The following HFM1 variants were observed in gnomAD, a reference collection of about 807,000 sequenced individuals.
The protein encoded by HFM1 is helicase for meiosis 1.
HFM1 carries 169 observed loss-of-function variants against 192.1 expected under a neutral mutation model. The ratio of observed to expected loss-of-function variants is 0.88; its 90% CI spans 0.78 to 1.00. The LOEUF is 1.00. Ranked by LOEUF, HFM1 falls within the 50% of genes least tolerant of loss-of-function variation. The pLI is 0.00. For missense variants in HFM1, 1,661 were observed against 1,668.0 expected, an observed-to-expected ratio of 1.00 and a Z score of 0.07; for synonymous variants, 525 against 537.8, an observed-to-expected ratio of 0.98 and a Z score of 0.33.
At chr1:91,352,772 G>GA in intron 15 of HFM1, 121 bp from the exon 16 acceptor site, 2 of 741,040 alleles carry the variant, frequency 2.7e-6, no homozygotes, top group African/African-American at 1.8e-5. Flanking sequence ...ATTTAGAAAA[G>GA]AAAAAAGAGC....
In HFM1 at chr1:91,276,702, T is replaced by C. The variant is rs757440021; in HGVS notation, c.3514A>G (p.Thr1172Ala). 3.2e-6 allele frequency: 5 copies of C among 1,559,694 alleles called. No individual in the cohort carries two copies. The East Asian group carries it at 1.2e-4, about 37-fold the overall frequency. Residue 1172 changes from threonine (T) to alanine (A), a missense_variant, in exon 32 of 39, where the codon ACA becomes GCA. Coordinates refer to ENST00000370425, the MANE Select transcript of HFM1 (RefSeq NM_001017975.6). ...AAATCAGATAAATATGAAGAAATTGTTGACTCTTTAATTTCTGACTTCTGT... is the reference window on the plus strand; with the variant it reads ...AAATCAGATAAATATGAAGAAATTGCTGACTCTTTAATTTCTGACTTCTGT... ...VAQKSEIKES[T>A]ISSYLSDLRN...
chr1:91,359,620 TAAGTA>T (rs1022161119), intron 13 of HFM1, among the ~76,000 whole-genome samples: 20 of 149,624 alleles, frequency 1.3e-4, no homozygotes, highest in Admixed American at 1.3e-3. Context: ...AATATGGGAT[TAAGTA>T]AAGAAACCAA....
At chr1:91,353,025 A>G in intron 15 of HFM1, 26 bp downstream of exon 15, 2 of 1,371,790 alleles carry the variant, frequency 1.5e-6, no homozygotes, top group Non-Finnish European at 2.1e-6. Flanking sequence ...ATTTTATAGT[A>G]TCCACGAGAA....
At chr1:91,397,145 T>C (rs571210984) in intron 2 of HFM1, among the ~76,000 whole-genome samples, 1 of 152,360 alleles carries the variant, frequency 6.6e-6, no homozygotes, top group East Asian at 1.9e-4. Context: ...ACCGTTGTTC[T>C]AGAGTATTCC....
At chr1:91,316,708 A>G (rs945637347) in intron 25 of HFM1, among the ~76,000 whole-genome samples, 2 of 152,214 alleles carry the variant, frequency 1.3e-5, no homozygotes, top group African/African-American at 4.8e-5. Flanking sequence ...TAAAAGAAAG[A>G]GAAACTCTGG....
At position 91,308,155 on chromosome 1, in the gene HFM1, CTCTGCCA is replaced by C. The variant is rs1462057594; in HGVS notation, c.3391+5187_3391+5193del. ...GTGTCTTTTATTATTTTGAAATGGA[CTCTGCCA>C]TTGTCTCTTTGAATGTTAATTTTGT... is the stretch of plus-strand genomic sequence containing the variant. On this transcript the variant is annotated intron_variant, in intron 30 of 38. Transcript: ENST00000370425. Among the ~76,000 whole-genome samples, 17 of 152,282 alleles carry C rather than the reference CTCTGCCA, an allele frequency of 1.1e-4. No individual in the cohort carries two copies. In the East Asian group the frequency reaches 2.9e-3, roughly 26 times the overall value.
At chr1:91,283,139 G>C (rs1276521062) in intron 30 of HFM1, among the ~76,000 whole-genome samples, 3 of 152,102 alleles carry the variant, frequency 2.0e-5, no homozygotes, top group Non-Finnish European at 2.9e-5. Context: ...CCTTTACCCT[G>C]CCGCCCTCCC....
chr1:91,371,876 C>T (rs1036526695), intron 13 of HFM1, among the ~76,000 whole-genome samples: 1 of 151,942 alleles, frequency 6.6e-6, no homozygotes, highest in African/African-American at 2.4e-5. Flanking sequence ...ACAATGAACT[C>T]AAACAAATTT....
intron 19 of HFM1, among the ~76,000 whole-genome samples, chr1:91,345,040 GCCCAA>G (rs1442184058): frequency 1.3e-5 from 2 of 152,026 alleles, no homozygotes; most frequent in Non-Finnish European, 2.9e-5. Context: ...GAACCACCAT[GCCCAA>G]CCTATATGTA....
intron 20 of HFM1, among the ~76,000 whole-genome samples, chr1:91,337,306 A>G (rs1006771158): frequency 5.3e-5 from 8 of 152,224 alleles, no homozygotes; most frequent in Non-Finnish European, 1.0e-4. Context: ...ACCTCAATGC[A>G]AACATACAGA....
Position 91,375,725 on chromosome 1 carries a change from A to G in HFM1, c.1398T>C (p.Ile466=), listed in dbSNP as rs1356552800. Residue 466 remains isoleucine (I), a splice_region_variant and synonymous_variant, in exon 12 of 39, where the codon ATT becomes ATC. Transcript: ENST00000370425. The part of the protein sequence containing the change: ...VSATIPNAED[I]AEWLSDGERP... ...TTTCACCATCTGAAAGCCATTCTGC[A>G]ATCTTTGAAACACAAAAATATGTGC... is the stretch of plus-strand genomic sequence containing the variant. The G allele has an allele frequency of 5.6e-6, 9 of 1,612,350 alleles. 1 individual carries two copies. The highest frequency in any genetic ancestry group is 1.6e-4 in the Middle Eastern group (1 of 6,068).
chr1:91,381,432 T>A (rs1297843565), intron 6 of HFM1, among the ~76,000 whole-genome samples: 1 of 152,206 alleles, frequency 6.6e-6, no homozygotes, highest in South Asian at 2.1e-4. Context: ...GTGTTTCTGG[T>A]TACCTAATAC....
At chr1:91,277,230 G>C (rs1028168060) in intron 30 of HFM1, among the ~76,000 whole-genome samples, 168 bp from the exon 31 acceptor site, 3 of 151,038 alleles carry the variant, frequency 2.0e-5, no homozygotes, top group African/African-American at 7.3e-5. Flanking sequence ...TTAATAAAGA[G>C]ATAGGGTCTT....
chr1:91,266,002 A>G lies in HFM1; in HGVS notation c.3974+15T>C. On this transcript the variant is annotated intron_variant, in intron 36 of 38. Transcript: ENST00000370425. The stretch of plus-strand genomic sequence containing the variant: ...TAAAGTTGCAAATATTACAAACCTA[A>G]GTTCTAAAACTTGCCTGTTTGACAT... 1 of 1,588,982 alleles carries G rather than the reference A, an allele frequency of 6.3e-7. No individual in the cohort carries two copies. Among genetic ancestry groups the G allele is most frequent in the Admixed American group, 1.9e-5 (1 of 52,248 alleles).
At chr1:91,305,600 C>T (rs1258827326) in intron 30 of HFM1, among the ~76,000 whole-genome samples, 1 of 151,962 alleles carries the variant, frequency 6.6e-6, no homozygotes, top group East Asian at 1.9e-4. Context: ...CAAGGTCTCA[C>T]TCTGTTGCCC....
At chr1:91,303,183 T>C (rs1257691819) in intron 30 of HFM1, among the ~76,000 whole-genome samples, 2 of 152,164 alleles carry the variant, frequency 1.3e-5, no homozygotes, top group South Asian at 4.1e-4. Flanking sequence ...CCTCATTTAT[T>C]CCTGCCCTCA....
intron 2 of HFM1, among the ~76,000 whole-genome samples, chr1:91,399,276 C>T (rs957508112): frequency 1.3e-5 from 2 of 152,088 alleles, no homozygotes; most frequent in East Asian, 1.9e-4. Flanking sequence ...CTGCCTTGAG[C>T]TGTGTGAATG....
At chr1:91,359,356 T>G (rs527346308) in intron 13 of HFM1, among the ~76,000 whole-genome samples, 1 of 152,064 alleles carries the variant, frequency 6.6e-6, no homozygotes, top group Non-Finnish European at 1.5e-5. Flanking sequence ...GTAAGAACCA[T>G]GGTAAAACAG....
In HFM1 at chr1:91,324,676, A is replaced by C; in HGVS notation, c.2426T>G (p.Leu809Arg). Residue 809 changes from leucine (L) to arginine (R), a missense_variant and splice_region_variant, in exon 21 of 39, where the codon CTG becomes CGG. Leu to Arg is a moderately radical substitution (Grantham distance 102). Coordinates refer to ENST00000370425, the MANE Select transcript of HFM1 (RefSeq NM_001017975.6). ...TTTTTCTAGTGAAAATTAATTTACC[A>C]GATCTGATAAGGTTTCTTTTCCACT... is the stretch of plus-strand genomic sequence containing the variant. ...TISGKETLSDLVTLIAGCKEF... is the reference protein window; with the variant it reads ...TISGKETLSDRVTLIAGCKEF... 6 of 1,339,032 alleles carry C rather than the reference A, an allele frequency of 4.5e-6. No individual in the cohort carries two copies. The highest frequency in any genetic ancestry group is 6.4e-6 in the Non-Finnish European group (6 of 933,656). 82.9% of individuals were successfully genotyped at this position (1,339,032 alleles called of 1,614,324 possible). A position where few individuals can be genotyped will look rare whatever the true frequency, so the allele number is the denominator to read the frequency against.
Sources: allele counts gnomAD v4.1 joint callset (sites outside exome capture counted in the v4.1 genomes callset), GRCh38; gene constraint gnomAD v4.1.1; transcripts MANE v1.5; gene names NCBI Gene and HGNC (gene_info 2026-07-23, HGNC 2026-07-21).